TRPM4: variants seen among roughly 807,000 people sequenced by gnomAD.
The protein encoded by TRPM4 is calcium-activated non-selective cation channel 1.
A neutral mutation model predicts 135.6 loss-of-function variants in TRPM4; 124 were observed. That is an observed-to-expected ratio of 0.91 (90% CI 0.79 to 1.06). The LOEUF is 1.06. Among genes scored for constraint, TRPM4 ranks in the 50% least tolerant of loss-of-function variants. The pLI is 0.00. For missense variants in TRPM4, 1,658 were observed against 1,671.4 expected (o/e 0.99, Z 0.14); for synonymous variants, 745 against 705.6 (o/e 1.06, Z -0.88).
At chr19:49,184,695 G>T (rs1163754860) in intron 12 of TRPM4, among the ~76,000 whole-genome samples, 1 of 151,536 alleles carries the variant, frequency 6.6e-6, no homozygotes, top group Non-Finnish European at 1.5e-5. Context: ...TAGCCAGGAT[G>T]GTTGCGATCT....
intron 12 of TRPM4, among the ~76,000 whole-genome samples, chr19:49,186,546 C>T (rs1438742222): frequency 6.6e-6 from 1 of 152,146 alleles, no homozygotes; most frequent in Non-Finnish European, 1.5e-5. Context: ...GTCCTTGCCT[C>T]AGATGGATGT....
chr19:49,197,342 TTCTTTCTTTCTTTCTTTCTTTC>T lies in TRPM4; in HGVS notation c.2645+472_2645+493del, dbSNP rs1568486003. Among the ~76,000 whole-genome samples the T allele has an allele frequency of 7.2e-3, 931 of 129,644 alleles. 8 individuals carry two copies. The highest frequency in any genetic ancestry group is 0.014 in the African/African-American group (357 of 24,862). 85.1% of individuals were successfully genotyped at this position (129,644 alleles called of 152,430 possible). On this transcript the variant is annotated intron_variant, in intron 17 of 24. Transcript: ENST00000252826. Reference sequence around the variant, plus strand: ...TTTCTTTCTTTCTTTCTTTCTTTCTTTCTTTCTTTCTTTCTTTCTTTCTCTCTCTTTCTTTTCTTTCTTTCTC... The same window carrying T: ...TTTCTTTCTTTCTTTCTTTCTTTCTTTCTCTCTTTCTTTTCTTTCTTTCTC...
At chr19:49,184,090 A>G (rs1465668779) in intron 12 of TRPM4, among the ~76,000 whole-genome samples, 1 of 151,972 alleles carries the variant, frequency 6.6e-6, no homozygotes, top group African/African-American at 2.4e-5. Flanking sequence ...GAGTTCCTTG[A>G]GCTTCCTGGA....
At chr19:49,201,134 G>T (rs541035531) in intron 19 of TRPM4, among the ~76,000 whole-genome samples, 1 of 136,880 alleles carries the variant, frequency 7.3e-6, no homozygotes, top group East Asian at 2.1e-4. Context: ...GGGTACACTC[G>T]CCAGCAGTTT....
chr19:49,168,174 C>A (rs1967301921), intron 4 of TRPM4, 77 bp downstream of exon 4: 8 of 1,584,692 alleles, frequency 5.0e-6, no homozygotes, highest in Non-Finnish European at 5.2e-6. Flanking sequence ...GGGTGGCCTC[C>A]CCCGCCGCCC....
In TRPM4 at chr19:49,200,923, C is replaced by T. The variant is rs550505996; in HGVS notation, c.2953+138C>T. On this transcript the variant is annotated intron_variant, in intron 19 of 24. Coordinates refer to ENST00000252826, the MANE Select transcript of TRPM4 (RefSeq NM_017636.4). ...CTTTCTCTGGATCTCTGAGTGATAC[C>T]CTATATTCCCCATCATCATCTCTCT... 2.1e-3 allele frequency: 1,852 copies of T among 888,824 alleles called. 1 individual carries two copies. Among genetic ancestry groups the T allele is most frequent in the Non-Finnish European group, 2.8e-3 (1,601 of 573,954 alleles). The allele number at this position is 888,824 out of a possible 1,614,324, so 55.1% of individuals were successfully genotyped here. A position where few individuals can be genotyped will look rare whatever the true frequency, so the allele number is the denominator to read the frequency against.
intron 19 of TRPM4, 145 bp downstream of exon 19, chr19:49,200,930 T>C (rs544045846): frequency 1.2e-6 from 1 of 842,084 alleles, no homozygotes; most frequent in South Asian, 1.6e-5. Context: ...TACCCTATAT[T>C]CCCCATCATC....
intron 12 of TRPM4, among the ~76,000 whole-genome samples, chr19:49,187,811 G>T (rs936681759): frequency 1.3e-5 from 2 of 152,140 alleles, no homozygotes; most frequent in Non-Finnish European, 2.9e-5. Context: ...AGTGGGGAGT[G>T]CTGATTGGTC....
At chr19:49,158,691 G>C (rs897583158) in intron 2 of TRPM4, 1 of 182,508 alleles carries the variant, frequency 5.5e-6, no homozygotes, top group Non-Finnish European at 1.1e-5. Context: ...GCCCTGCCAG[G>C]GTTCCAATTT....
chr19:49,203,449 G>A (rs1716273), intron 20 of TRPM4, among the ~76,000 whole-genome samples: 151,979 of 152,212 alleles, frequency 1, 75,873 homozygotes, highest in Middle Eastern at 1. Context: ...AGAGTGCTGG[G>A]ATTACTGACA....
At chr19:49,179,588 G>A (rs535807553) in intron 9 of TRPM4, among the ~76,000 whole-genome samples, 12 of 152,292 alleles carry the variant, frequency 7.9e-5, no homozygotes, top group African/African-American at 2.6e-4. Context: ...GAGCTCAGGC[G>A]ATCCGCCCAT....
chr19:49,208,078 C>T (rs2145990169), intron 20 of TRPM4, among the ~76,000 whole-genome samples: 1 of 152,246 alleles, frequency 6.6e-6, no homozygotes, highest in South Asian at 2.1e-4. Context: ...GGACAGCTTA[C>T]ATCATTATTT....
intron 2 of TRPM4, among the ~76,000 whole-genome samples, chr19:49,164,070 A>G (rs1342772012): frequency 2.0e-5 from 3 of 151,928 alleles, no homozygotes; most frequent in Non-Finnish European, 4.4e-5. Context: ...TCCTTGTAGC[A>G]CCTCTGCTAT....
chr19:49,181,211 G>C (rs533434845), intron 9 of TRPM4, 138 bp from the exon 10 acceptor site: 5 of 693,700 alleles, frequency 7.2e-6, no homozygotes, highest in Non-Finnish European at 1.0e-5. Context: ...ACTGCTTTAA[G>C]ACCCCCACAC....
At chr19:49,206,509 A>G (rs1388478552) in intron 20 of TRPM4, among the ~76,000 whole-genome samples, 3 of 146,596 alleles carry the variant, frequency 2.0e-5, no homozygotes, top group Non-Finnish European at 4.5e-5. Flanking sequence ...GCGCGATCTC[A>G]GCTCACCACA....
At chr19:49,207,119 A>G (rs906112438) in intron 20 of TRPM4, among the ~76,000 whole-genome samples, 6 of 152,072 alleles carry the variant, frequency 3.9e-5, no homozygotes, top group Non-Finnish European at 8.8e-5. Flanking sequence ...TTCCTTTCCA[A>G]TTTGGATGCC....
In TRPM4 at chr19:49,165,909, G is replaced by C. The variant is rs1967153197; in HGVS notation, c.93-132G>C. The C allele has an allele frequency of 6.4e-6, 6 of 932,866 alleles. No individual in the cohort carries two copies. In the Admixed American group the frequency reaches 1.4e-4, roughly 22 times the overall value. 57.8% of individuals were successfully genotyped at this position (932,866 alleles called of 1,614,324 possible). A position where few individuals can be genotyped will look rare whatever the true frequency, so the allele number is the denominator to read the frequency against. On this transcript the variant is annotated intron_variant, in intron 2 of 24. Transcript: ENST00000252826. ...GCCGTCAGAGCCAGGGCCAGGGGCA[G>C]CGTGGACTCTGCCTGCCTCTGTGGG... is the stretch of plus-strand genomic sequence containing the variant.
Position 49,181,334 on chromosome 19 carries a change from C to T in TRPM4, c.1151-15C>T. 2 of 1,602,210 alleles carry T rather than the reference C, an allele frequency of 1.2e-6. No homozygotes were observed. The highest frequency in any genetic ancestry group is 2.2e-5 in the East Asian group (1 of 44,812). On this transcript the variant is annotated splice_polypyrimidine_tract_variant and intron_variant, in intron 9 of 24. Coordinates refer to ENST00000252826, the MANE Select transcript of TRPM4 (RefSeq NM_017636.4). ...TCCCCTGACTTCTTGTCCCCTCTCC[C>T]TCTAATCCTTCCAGCCTGTGGGAGC...
At chr19:49,189,266 G>A (rs978118115) in intron 14 of TRPM4, among the ~76,000 whole-genome samples, 175 bp downstream of exon 14, 2 of 152,186 alleles carry the variant, frequency 1.3e-5, no homozygotes, top group Admixed American at 6.5e-5. Context: ...AAGAAGCCCC[G>A]CTCCCTTCCA....
Sources: gnomAD v4.1 joint callset for allele counts (sites outside exome capture counted in the v4.1 genomes callset) on GRCh38, gnomAD v4.1.1 for gene constraint, MANE v1.5 for transcripts, NCBI Gene and HGNC (gene_info 2026-07-23, HGNC 2026-07-21) for gene names.